Variants in ASMT observed in about 807,000 individuals in gnomAD.
ASMT encodes acetylserotonin O-methyltransferase.
In ASMT, 53 loss-of-function variants were observed where a neutral mutation model predicts 41.3. The ratio of observed to expected loss-of-function variants is 1.28; its 90% CI spans 1.03 to 1.61. ASMT has a LOEUF of 1.61. ASMT is among the 40% of genes most tolerant of loss of function. ASMT has a pLI of 0.00. For synonymous variants in ASMT, 231 were observed against 184.8 expected (o/e 1.25, Z -2.03); for missense variants, 531 against 441.3 (o/e 1.20, Z -1.82).
At chrX:1,616,058 T>G (rs1934085380) in intron 1 of ASMT, among the ~76,000 whole-genome samples, 3 of 151,830 alleles carry the variant, frequency 2.0e-5, no homozygotes, top group Non-Finnish European at 4.4e-5. Context: ...AGCTGGAGTC[T>G]CACTCTGTAA....
chrX:1,642,879 G>T lies in ASMT; in HGVS notation c.987G>T (p.Leu329=), dbSNP rs778820144. ...RGPLLTQLYS[L]NMLVQTEGQE... The stretch of plus-strand genomic sequence containing the variant: ...CTCTGCTCACGCAGCTCTACTCTCT[G>T]AACATGCTTGTGCAGACGGAAGGGC... Residue 329 remains leucine, a synonymous_variant, in exon 9 of 9, where the codon CTG becomes CTT. Transcript: ENST00000381241. The T allele has an allele frequency of 5.0e-6, 8 of 1,613,862 alleles. No homozygotes were observed. Among genetic ancestry groups the T allele is most frequent in the Non-Finnish European group, 5.9e-6 (7 of 1,179,888 alleles).
intron 7 of ASMT, chrX:1,636,159 G>A (rs1210174665): frequency 1.7e-4 from 75 of 446,040 alleles, no homozygotes; most frequent in South Asian, 2.8e-4. Flanking sequence ...GGGTTTCACC[G>A]TGTTAGCCAG....
rs148676123 is a variant in ASMT at position 1,632,479 on chromosome X, G to A, written c.563-225G>A. On this transcript the variant is annotated intron_variant, in intron 5 of 8. Transcript: ENST00000381241. ...ATCCTGGCTAACACGGAGAAACCCT[G>A]TCTCTACTAAAAATACAATAAAAAA... 5.6e-3 allele frequency among the ~76,000 whole-genome samples: 858 copies of A among 152,160 alleles called. 7 individuals carry two copies. Among genetic ancestry groups the A allele is most frequent in the African/African-American group, 0.02 (828 of 41,520 alleles).
Position 1,642,897 on chromosome X carries a change from G to A in ASMT, c.1005G>A (p.Thr335=), listed in dbSNP as rs371426301. 30 of 1,613,852 alleles carry A rather than the reference G, an allele frequency of 1.9e-5. No individual in the cohort carries two copies. Among genetic ancestry groups the A allele is most frequent in the African/African-American group, 1.5e-4 (11 of 74,932 alleles). Residue 335 remains threonine, a synonymous_variant, in exon 9 of 9, where the codon ACG becomes ACA. Transcript: ENST00000381241. ...QLYSLNMLVQ[T]EGQERTPTHY... ...ACTCTCTGAACATGCTTGTGCAGAC[G>A]GAAGGGCAGGAGAGGACCCCCACCC...
chrX:1,615,886 G>C (rs1422087725), intron 1 of ASMT, among the ~76,000 whole-genome samples: 1 of 152,108 alleles, frequency 6.6e-6, no homozygotes, highest in East Asian at 1.9e-4. Flanking sequence ...AATGTTTATT[G>C]AACTGCAAGT....
At chrX:1,620,980 C>T (rs1180446660) in intron 1 of ASMT, among the ~76,000 whole-genome samples, 2 of 151,776 alleles carry the variant, frequency 1.3e-5, no homozygotes, top group Non-Finnish European at 2.9e-5. Context: ...CCTGTAATCA[C>T]AGCTACTCGG....
At chrX:1,620,993 G>T (rs1603461179) in intron 1 of ASMT, among the ~76,000 whole-genome samples, 2 of 152,194 alleles carry the variant, frequency 1.3e-5, no homozygotes, top group African/African-American at 4.8e-5. Context: ...CTACTCGGGA[G>T]GCTGGGGCAA....
At chrX:1,632,832 G>A (rs1490826581) in intron 6 of ASMT, 45 bp downstream of exon 6, 41 of 485,540 alleles carry the variant, frequency 8.4e-5, no homozygotes, top group South Asian at 1.3e-4. Context: ...GGAGGGGAAC[G>A]TCACACACTG....
intron 1 of ASMT, among the ~76,000 whole-genome samples, chrX:1,619,673 G>C (rs1315211329): frequency 2.0e-5 from 3 of 150,060 alleles, no homozygotes; most frequent in Non-Finnish European, 3.0e-5. Context: ...CATAGACCAA[G>C]GGTGAACTCA....
intron 8 of ASMT, among the ~76,000 whole-genome samples, chrX:1,642,466 T>A (rs1189773891): frequency 4.8e-5 from 7 of 146,190 alleles, no homozygotes; most frequent in African/African-American, 1.8e-4. Flanking sequence ...TCCTGAGAGG[T>A]CCATCGATCC....
chrX:1,630,785 T>C (rs1452541127), intron 5 of ASMT, among the ~76,000 whole-genome samples: 2 of 151,384 alleles, frequency 1.3e-5, no homozygotes, highest in Non-Finnish European at 3.0e-5. Flanking sequence ...CTCAGACTCC[T>C]GGGCTCATGC....
At chrX:1,628,918 G>A (rs6588805) in intron 4 of ASMT, among the ~76,000 whole-genome samples, 58,469 of 145,632 alleles carry the variant, frequency 0.4, 11,711 homozygotes, top group African/African-American at 0.51. Context: ...CCTTTCCCCC[G>A]TTTCTCTCTT....
chrX:1,642,678 G>C (rs1160869449), intron 8 of ASMT, 125 bp from the exon 9 acceptor site: 2 of 848,256 alleles, frequency 2.4e-6, no homozygotes, highest in Non-Finnish European at 4.0e-6. Context: ...CAGCCTCTGA[G>C]TGTGTGATGG....
intron 4 of ASMT, among the ~76,000 whole-genome samples, chrX:1,628,296 G>A (rs1934635127): frequency 1.3e-5 from 2 of 152,206 alleles, no homozygotes; most frequent in Non-Finnish European, 2.9e-5. Flanking sequence ...ACTCCAGCCT[G>A]GGCAACAAGA....
chrX:1,631,160 C>T (rs776322361), intron 5 of ASMT, among the ~76,000 whole-genome samples: 4 of 151,848 alleles, frequency 2.6e-5, no homozygotes, highest in East Asian at 1.9e-4. Context: ...GTGATCCACC[C>T]GCCTCCGCCT....
At position 1,643,008 on chromosome X, in the gene ASMT, G is replaced by C. The variant is rs778693553; in HGVS notation, c.1116G>C (p.Arg372Ser). The C allele has an allele frequency of 3.1e-6, 5 of 1,613,908 alleles. No homozygotes were observed. The East Asian group carries it at 8.9e-5, about 29-fold the overall frequency. ...CCATTTATGATGCCATTTTAGCCAGGAAATAACTGTTTCTTGTGACCTGGA... is the reference window on the plus strand; with the variant it reads ...CCATTTATGATGCCATTTTAGCCAGCAAATAACTGTTTCTTGTGACCTGGA... ...TGAIYDAILA[R>S]K Residue 372 changes from arginine (R) to serine (S), a missense_variant, in exon 9 of 9, where the codon AGG (arginine) becomes AGC (serine). Arg to Ser is a moderately radical substitution (Grantham distance 110, BLOSUM62 -1). Transcript: ENST00000381241.
At chrX:1,618,626 G>C (rs1437028852) in intron 1 of ASMT, among the ~76,000 whole-genome samples, 1 of 146,862 alleles carries the variant, frequency 6.8e-6, no homozygotes, top group African/African-American at 2.7e-5. Flanking sequence ...TGGTAGAGAC[G>C]GGGTTTCATC....
chrX:1,620,212 C>A (rs1934290567), intron 1 of ASMT, among the ~76,000 whole-genome samples: 3 of 126,752 alleles, frequency 2.4e-5, no homozygotes, highest in Admixed American at 9.0e-5. Context: ...CACTCTGTTG[C>A]CCAGGCTGGA....
chrX:1,634,394 G>A (rs1272621763), intron 7 of ASMT, among the ~76,000 whole-genome samples: 14 of 152,114 alleles, frequency 9.2e-5, no homozygotes, highest in Non-Finnish European at 1.3e-4. Context: ...GACATCCAAG[G>A]ATTTTCTTGG....
Sources: allele counts gnomAD v4.1 joint callset (sites outside exome capture counted in the v4.1 genomes callset), GRCh38; gene constraint gnomAD v4.1.1; transcripts MANE v1.5; gene names NCBI Gene and HGNC (gene_info 2026-07-23, HGNC 2026-07-21).